Variants in ULK2 observed in about 807,000 individuals in gnomAD.
ULK2 encodes the protein unc-51 like autophagy activating kinase 2, also known as serine/threonine-protein kinase ULK2.
In ULK2, 76 loss-of-function variants were observed where a neutral mutation model predicts 127.5. The ratio of observed to expected loss-of-function variants is 0.60; its 90% CI spans 0.50 to 0.72. The LOEUF is 0.72. ULK2 is among the 30% of genes least tolerant of loss of function. The probability of loss-of-function intolerance (pLI) is 0.00; values close to 1 mark genes in which losing one functional copy is unlikely to be tolerated. For synonymous variants in ULK2, 452 were observed against 461.9 expected (o/e 0.98, Z 0.28); for missense variants, 1,144 against 1,295.9 (o/e 0.88, Z 1.80).
At chr17:19,791,758 T>A (rs182746370) in intron 20 of ULK2, among the ~76,000 whole-genome samples, 86 of 146,428 alleles carry the variant, frequency 5.9e-4, no homozygotes, top group Middle Eastern at 3.7e-3. Context: ...CGAGGGAGGC[T>A]GAGGCACAAG....
Position 19,810,433 on chromosome 17 carries a change from T to C in ULK2, c.1102A>G (p.Met368Val). Residue 368 changes from methionine (M) to valine (V), a missense_variant, in exon 14 of 27, where the codon ATG (methionine) becomes GTG (valine). Met to Val is a conservative substitution (Grantham distance 21, BLOSUM62 1). Coordinates refer to ENST00000395544, the MANE Select transcript of ULK2 (RefSeq NM_014683.4). ...CGTCTGCCAGCAGTCCCCACTGGCA[T>C]ATCACCTAAAGGAGAGAAAAGAACA... ...HNISSDHSCD[M>V]PVGTAGRRAS... 4 of 1,602,514 alleles carry C rather than the reference T, an allele frequency of 2.5e-6. No homozygotes were observed. Among genetic ancestry groups the C allele is most frequent in the Non-Finnish European group, 3.4e-6 (4 of 1,170,994 alleles).
chr17:19,794,952 G>A (rs1028660271), intron 20 of ULK2, among the ~76,000 whole-genome samples: 3 of 151,776 alleles, frequency 2.0e-5, no homozygotes, highest in South Asian at 2.1e-4. Context: ...AGTGGCGGGC[G>A]CCTATAGTCC....
intron 5 of ULK2, among the ~76,000 whole-genome samples, chr17:19,848,010 T>C (rs556879618): frequency 6.8e-4 from 103 of 152,216 alleles, no homozygotes; most frequent in African/African-American, 2.3e-3. Flanking sequence ...TAAAAGTTGA[T>C]GAGAATAACT....
At chr17:19,798,580 C>T (rs1037757649) in intron 17 of ULK2, among the ~76,000 whole-genome samples, 3 of 152,202 alleles carry the variant, frequency 2.0e-5, no homozygotes, top group African/African-American at 7.2e-5. Context: ...CTGGCTTCAT[C>T]TCTTTCCAAA....
intron 20 of ULK2, among the ~76,000 whole-genome samples, chr17:19,789,828 A>G (rs2087112289): frequency 6.6e-6 from 1 of 151,644 alleles, no homozygotes; most frequent in Non-Finnish European, 1.5e-5. Flanking sequence ...AGCTTTGAAA[A>G]TAGGCTATCT....
chr17:19,817,295 A>C (rs1351841512), intron 12 of ULK2, among the ~76,000 whole-genome samples: 1 of 152,222 alleles, frequency 6.6e-6, no homozygotes, highest in African/African-American at 2.4e-5. Context: ...ATGACTAAAC[A>C]CAAAATGTCC....
At position 19,830,037 on chromosome 17, in the gene ULK2, T is replaced by A. The variant is rs115359574; in HGVS notation, c.788-3851A>T. Among the ~76,000 whole-genome samples the A allele has an allele frequency of 4.5e-3, 684 of 151,980 alleles. 6 individuals are homozygous for A. The highest frequency in any genetic ancestry group is 0.016 in the African/African-American group (666 of 41,434). On this transcript the variant is annotated intron_variant, in intron 10 of 26. Coordinates refer to ENST00000395544, the MANE Select transcript of ULK2 (RefSeq NM_014683.4). ...ATGGATAGGATAACCAGATACAGCA[T>A]CAATAAGGAAAGGGAGGCACTGAAC...
rs1261469114 is a variant in ULK2, at chr17:19,776,055, C to T, written c.*294G>A. On this transcript the variant is annotated 3_prime_UTR_variant, in exon 27 of 27. Coordinates refer to ENST00000395544, the MANE Select transcript of ULK2 (RefSeq NM_014683.4). ...TAATTATCTTTAAGAATAACTGTACCGATTATCCTAGTTCTAAGGTACATT... is the reference window on the plus strand; with the variant it reads ...TAATTATCTTTAAGAATAACTGTACTGATTATCCTAGTTCTAAGGTACATT... 1 of 351,880 alleles carries T rather than the reference C, an allele frequency of 2.8e-6. No individual in the cohort carries two copies. The highest frequency in any genetic ancestry group is 5.1e-6 in the Non-Finnish European group (1 of 194,918). The allele number at this position is 351,880 out of a possible 1,614,324, so 21.8% of individuals were successfully genotyped here.
In ULK2 at chr17:19,774,622, A is replaced by G. The variant is rs980304339; in HGVS notation, c.*1727T>C. ...ACAGTCTATGTTCCTGGAAGCCTGC[A>G]TGACAGTAGCCAAGATCTAAATCCT... On this transcript the variant is annotated 3_prime_UTR_variant, in exon 27 of 27. Coordinates refer to ENST00000395544, the MANE Select transcript of ULK2 (RefSeq NM_014683.4). 6.6e-6 allele frequency: 1 copy of G among 152,270 alleles called. No homozygotes were observed. Among genetic ancestry groups the G allele is most frequent in the African/African-American group, 2.4e-5 (1 of 41,472 alleles). The allele number at this position is 152,270 out of a possible 1,614,324, so 9.4% of individuals were successfully genotyped here.
chr17:19,852,138 T>C (rs2042030576), intron 3 of ULK2, among the ~76,000 whole-genome samples: 1 of 150,008 alleles, frequency 6.7e-6, no homozygotes, highest in South Asian at 2.1e-4. Flanking sequence ...GGCAGGAGAA[T>C]GGCTTGAACC....
chr17:19,808,813 T>C (rs1597742538), intron 14 of ULK2, among the ~76,000 whole-genome samples: 1 of 152,340 alleles, frequency 6.6e-6, no homozygotes, highest in Middle Eastern at 3.4e-3. Context: ...GGAACCCCTG[T>C]GCACTGTTGG....
At chr17:19,820,580 C>T (rs2041115893) in intron 12 of ULK2, among the ~76,000 whole-genome samples, 1 of 152,190 alleles carries the variant, frequency 6.6e-6, no homozygotes, top group Non-Finnish European at 1.5e-5. Flanking sequence ...CTACTAAGCA[C>T]TTGAAATGTG....
chr17:19,786,711 C>T (rs1399993774), intron 20 of ULK2, among the ~76,000 whole-genome samples: 2 of 12,842 alleles, frequency 1.6e-4, no homozygotes, highest in Non-Finnish European at 3.7e-4. Flanking sequence ...GAGGCTCCGT[C>T]TCAAAAAAAA....
rs2087443373 is a variant in ULK2, at chr17:19,803,421, A to C, written c.1295+1272T>G. Reference sequence around the variant, plus strand: ...TGGGTACCACCACCCTGATTCAGGCAAAGGTACCAATAGCTTTATCCATCT... The same window carrying C: ...TGGGTACCACCACCCTGATTCAGGCCAAGGTACCAATAGCTTTATCCATCT... On this transcript the variant is annotated intron_variant, in intron 15 of 26. Coordinates refer to ENST00000395544, the MANE Select transcript of ULK2 (RefSeq NM_014683.4). 2.0e-5 allele frequency among the ~76,000 whole-genome samples: 3 copies of C among 152,218 alleles called. No individual in the cohort carries two copies. In the South Asian group the frequency reaches 6.2e-4, roughly 32 times the overall value.
At chr17:19,829,568 T>C (rs1597781360) in intron 10 of ULK2, among the ~76,000 whole-genome samples, 2 of 103,410 alleles carry the variant, frequency 1.9e-5, no homozygotes, top group African/African-American at 7.1e-5. Flanking sequence ...CTGGGCACGG[T>C]AGCTCACGCC....
chr17:19,824,632 G>A (rs1331113484), intron 12 of ULK2, among the ~76,000 whole-genome samples: 2 of 151,916 alleles, frequency 1.3e-5, no homozygotes, highest in African/African-American at 4.8e-5. Flanking sequence ...ACCTTAAAGC[G>A]CCAGAAATCA....
chr17:19,840,136 C>T (rs1002134717), intron 9 of ULK2: 13 of 398,924 alleles, frequency 3.3e-5, no homozygotes, highest in Non-Finnish European at 1.0e-5. Flanking sequence ...ATGTCGTTCC[C>T]AAAGTATACT....
intron 2 of ULK2, among the ~76,000 whole-genome samples, chr17:19,865,107 G>C (rs775661731): frequency 1.3e-5 from 2 of 152,084 alleles, no homozygotes; most frequent in African/African-American, 4.8e-5. Flanking sequence ...TGAGGAAATC[G>C]GGTGTTAAAT....
rs576444273 is a variant in ULK2 at position 19,844,835 on chromosome 17, AT to A, written c.543+468del. Among the ~76,000 whole-genome samples the A allele has an allele frequency of 2.1e-3, 325 of 152,274 alleles. 1 individual carries two copies. Among genetic ancestry groups the A allele is most frequent in the African/African-American group, 7.5e-3 (313 of 41,570 alleles). On this transcript the variant is annotated intron_variant, in intron 7 of 26. Transcript: ENST00000395544. ...CCCTATAATACATGATGATATCTAT[AT>A]GAGAGGATAAAGGGGAAAGCTGAGA...
Sources: gnomAD v4.1 joint callset for allele counts (sites outside exome capture counted in the v4.1 genomes callset) on GRCh38, gnomAD v4.1.1 for gene constraint, MANE v1.5 for transcripts, NCBI Gene and HGNC (gene_info 2026-07-23, HGNC 2026-07-21) for gene names.